The following ZNF454 variants were observed in gnomAD, a reference collection of about 807,000 sequenced individuals.
ZNF454 encodes zinc finger protein 454.
A neutral mutation model predicts 48.2 loss-of-function variants in ZNF454; 30 were observed. The observed-to-expected ratio is 0.62, with a 90% CI of 0.47 to 0.84. The LOEUF is 0.84. Among genes scored for constraint, ZNF454 ranks in the 40% least tolerant of loss-of-function variants. The pLI is 0.00. For synonymous variants in ZNF454, 204 were observed against 211.4 expected (o/e 0.97, Z 0.30); for missense variants, 510 against 623.1 (o/e 0.82, Z 1.93).
chr5:178,980,263 T>C, the ZNF454 span: 1 of 154,342 alleles, frequency 6.5e-6, no homozygotes. This position sits in a 1 kb window ranked among gnomAD's most constrained non-coding sequence, Gnocchi z 4.3. Context: ...ATTTAACAAA[T>C]GTAAATTCTA....
chr5:178,982,417 A>T, the ZNF454 span, among the ~76,000 whole-genome samples: 1 of 151,974 alleles, frequency 6.6e-6, no homozygotes, highest in Non-Finnish European at 1.5e-5. Flanking sequence ...ATCTCTACTA[A>T]AATTACAAAA....
At chr5:178,976,185 GCCCTATT>G in the ZNF454 span, 3 of 428,146 alleles carry the variant, frequency 7.0e-6, no homozygotes, top group Non-Finnish European at 1.4e-5. Flanking sequence ...GTACTGGATT[GCCCTATT>G]CAAAATTGCA....
the ZNF454 span, chr5:178,976,037 C>T: frequency 2.4e-6 from 1 of 423,944 alleles, no homozygotes; most frequent in Non-Finnish European, 4.8e-6. Context: ...CCTACTCCTC[C>T]ATGCCACTCT....
In ZNF454 at chr5:178,966,036, A is replaced by T. The variant is rs572091483; in HGVS notation, c.*63A>T. ...GTAGATGAATTATTGAATGTGAGAT[A>T]ATCCGTTCTAGAGAATAACTATGAA... On this transcript the variant is annotated 3_prime_UTR_variant, in exon 5 of 5. Transcript: ENST00000519564. The T allele has an allele frequency of 1.3e-5, 17 of 1,301,282 alleles. No individual in the cohort carries two copies. In the Admixed American group the frequency reaches 1.8e-4, roughly 14 times the overall value. 80.6% of individuals were successfully genotyped at this position (1,301,282 alleles called of 1,614,324 possible). A position where few individuals can be genotyped will look rare whatever the true frequency, so the allele number is the denominator to read the frequency against.
chr5:178,988,936 A>G, the ZNF454 span: 874,794 of 1,609,530 alleles, frequency 0.54, 239,795 homozygotes, highest in Admixed American at 0.56. This position sits in a 1 kb window ranked among gnomAD's most constrained non-coding sequence, Gnocchi z 6.0. Context: ...CCCACTCACC[A>G]TTGAAGCGGA....
the ZNF454 span, among the ~76,000 whole-genome samples, chr5:178,985,466 G>C: frequency 6.6e-6 from 1 of 151,666 alleles, no homozygotes; most frequent in Non-Finnish European, 1.5e-5. Context: ...CACTTTGGGA[G>C]GCCGAGGTGG....
the ZNF454 span, chr5:178,975,707 C>T: frequency 4.5e-3 from 1,904 of 427,264 alleles, 30 homozygotes; most frequent in African/African-American, 0.035. Context: ...CCTCAGGTGA[C>T]GGTTAGCTTG....
At chr5:178,968,252 G>A (rs912107654), downstream of ZNF454, among the ~76,000 whole-genome samples, 1 of 152,048 alleles carries the variant, frequency 6.6e-6, no homozygotes, top group African/African-American at 2.4e-5. Flanking sequence ...AATTTTTCTG[G>A]AAAGTGAAGT....
chr5:178,969,991 C>T (rs555224207), downstream of ZNF454, among the ~76,000 whole-genome samples: 1 of 152,294 alleles, frequency 6.6e-6, no homozygotes, highest in South Asian at 2.1e-4. Flanking sequence ...TGCCTGTTTG[C>T]CTGGCTTTGA....
chr5:178,948,471 G>T (rs78294463), intron 4 of ZNF454, among the ~76,000 whole-genome samples: 10,943 of 152,190 alleles, frequency 0.072, 517 homozygotes, highest in Non-Finnish European at 0.1. Flanking sequence ...ATGATTCATG[G>T]AGTCTAATTC....
chr5:178,986,318 C>A, the ZNF454 span: 101 of 1,613,942 alleles, frequency 6.3e-5, no homozygotes, highest in Admixed American at 1.2e-4. Flanking sequence ...ACCGCGGCCC[C>A]AGGCTCAGCC....
the ZNF454 span, chr5:178,983,616 G>A: frequency 0.034 from 13,052 of 387,442 alleles, 351 homozygotes; most frequent in South Asian, 0.079. Context: ...GGCCCTACTC[G>A]CATCGCCTCT....
chr5:178,985,300 C>G, the ZNF454 span: 1 of 455,786 alleles, frequency 2.2e-6, no homozygotes, highest in South Asian at 1.6e-5. Context: ...GGCCCACACT[C>G]CCCACCTGAC....
intron 2 of ZNF454, among the ~76,000 whole-genome samples, chr5:178,945,406 A>T (rs1759285347): frequency 8.1e-6 from 1 of 123,648 alleles, no homozygotes; most frequent in African/African-American, 3.2e-5. Flanking sequence ...TGTGTTTGTG[A>T]GGGGTACGGA....
chr5:178,981,424 A>C, the ZNF454 span: 26 of 489,146 alleles, frequency 5.3e-5, no homozygotes, highest in Admixed American at 6.9e-5. This position sits in a 1 kb window ranked among gnomAD's most constrained non-coding sequence, Gnocchi z 5.1. Flanking sequence ...GCTGTTTCCC[A>C]CCATGGGAAG....
chr5:178,943,134 G>A (rs527425785), intron 2 of ZNF454, among the ~76,000 whole-genome samples: 3 of 152,320 alleles, frequency 2.0e-5, no homozygotes, highest in South Asian at 4.1e-4. Flanking sequence ...GTAAAAGCAT[G>A]TATTAGTCCC....
intron 4 of ZNF454, among the ~76,000 whole-genome samples, chr5:178,952,044 T>G (rs1208424737): frequency 6.6e-6 from 1 of 151,768 alleles, no homozygotes; most frequent in Non-Finnish European, 1.5e-5. Flanking sequence ...ATCTTGTTTT[T>G]TTTTTTTTTT....
chr5:178,985,568 T>A, the ZNF454 span: 1 of 338,920 alleles, frequency 3.0e-6, no homozygotes, highest in Admixed American at 4.0e-5. Flanking sequence ...CCGGGCGTGG[T>A]GGCGGGCGCC....
the ZNF454 span, chr5:178,981,525 G>A: frequency 2.3e-5 from 16 of 682,730 alleles, no homozygotes; most frequent in Middle Eastern, 8.2e-4. The surrounding 1 kb of genome is among the most constrained non-coding windows in gnomAD (Gnocchi z 5.1). Flanking sequence ...CAGCCCCACC[G>A]ACGCGGAGCA....
Sources: allele counts gnomAD v4.1 joint callset (sites outside exome capture counted in the v4.1 genomes callset), GRCh38; gene constraint gnomAD v4.1.1; non-coding constraint Gnocchi (gnomAD v3.1); transcripts MANE v1.5; gene names NCBI Gene and HGNC (gene_info 2026-07-23, HGNC 2026-07-21).